Variants in PDE4D observed in about 807,000 individuals in gnomAD.
PDE4D encodes the protein 3',5'-cyclic-AMP phosphodiesterase 4D.
In PDE4D, 24 loss-of-function variants were observed where a neutral mutation model predicts 87.4. That is an observed-to-expected ratio of 0.27 (90% CI 0.20 to 0.39). The LOEUF is 0.39. PDE4D is among the 10% of genes least tolerant of loss of function. The pLI, the probability that PDE4D is intolerant of heterozygous loss-of-function variation, is 1.00. For synonymous variants in PDE4D, 384 were observed against 383.2 expected, an observed-to-expected ratio of 1.00 and a Z score of -0.02; for missense variants, 714 against 1,041.0, an observed-to-expected ratio of 0.69 and a Z score of 4.32.
intron 6 of PDE4D, among the ~76,000 whole-genome samples, chr5:59,013,355 T>C (rs1425781505): frequency 6.6e-6 from 1 of 151,904 alleles, no homozygotes; most frequent in African/African-American, 2.4e-5. Flanking sequence ...AATCAATGAG[T>C]CCAGGAGCTG....
At chr5:60,430,565 G>A (rs1367076506) in intron 1 of PDE4D, among the ~76,000 whole-genome samples, 1 of 127,882 alleles carries the variant, frequency 7.8e-6, no homozygotes, top group African/African-American at 3.5e-5. Flanking sequence ...TTTTTTTATT[G>A]ATCATTCTTG....
At chr5:60,030,126 C>A (rs1215829436) in intron 2 of PDE4D, among the ~76,000 whole-genome samples, 1 of 152,204 alleles carries the variant, frequency 6.6e-6, no homozygotes, top group African/African-American at 2.4e-5. Flanking sequence ...ACAGACTTAA[C>A]CCCAATGTCC....
At chr5:59,771,655 G>C (rs1000466310) in intron 1 of PDE4D, among the ~76,000 whole-genome samples, 1 of 152,182 alleles carries the variant, frequency 6.6e-6, no homozygotes, top group African/African-American at 2.4e-5. Context: ...CTTACAAAGA[G>C]TAAACTATTT....
intron 1 of PDE4D, among the ~76,000 whole-genome samples, chr5:59,228,292 A>T (rs1234520751): frequency 6.6e-6 from 1 of 152,104 alleles, no homozygotes; most frequent in Non-Finnish European, 1.5e-5. Context: ...TCAGAAAAAA[A>T]ATACTAACTG....
intron 1 of PDE4D, among the ~76,000 whole-genome samples, chr5:59,819,843 A>C (rs1449432694): frequency 6.6e-6 from 1 of 152,246 alleles, no homozygotes; most frequent in Non-Finnish European, 1.5e-5. Flanking sequence ...AAGCGTGTGC[A>C]AATTAGAACT....
At chr5:59,852,284 G>A (rs371971287) in intron 1 of PDE4D, among the ~76,000 whole-genome samples, 12 of 152,142 alleles carry the variant, frequency 7.9e-5, no homozygotes, top group Middle Eastern at 3.4e-3. Context: ...CTCACATTGC[G>A]TAGGGCTGAC....
intron 1 of PDE4D, chr5:59,529,148 T>C: frequency 1.2e-5 from 6 of 483,106 alleles, no homozygotes; most frequent in South Asian, 9.6e-5. Context: ...CTGTGTGGAA[T>C]TGGGCCCCTC....
chr5:59,542,162 T>C (rs544382399), intron 1 of PDE4D, among the ~76,000 whole-genome samples: 1 of 152,288 alleles, frequency 6.6e-6, no homozygotes, highest in South Asian at 2.1e-4. Flanking sequence ...TCTAGTATCC[T>C]AGTGCTATTT....
At chr5:59,349,224 C>T (rs1780115696) in intron 1 of PDE4D, among the ~76,000 whole-genome samples, 1 of 152,094 alleles carries the variant, frequency 6.6e-6, no homozygotes, top group Non-Finnish European at 1.5e-5. Flanking sequence ...AGACACCTCT[C>T]TTCAGACCCT....
At chr5:59,203,588 A>T (rs1207750581) in intron 2 of PDE4D, among the ~76,000 whole-genome samples, 1 of 151,992 alleles carries the variant, frequency 6.6e-6, no homozygotes, top group African/African-American at 2.4e-5. Flanking sequence ...AATCAACTTA[A>T]GTGTCTAACA....
chr5:59,586,951 C>T, intron 1 of PDE4D: 1 of 985,380 alleles, frequency 1.0e-6, no homozygotes, highest in Non-Finnish European at 1.2e-6. Flanking sequence ...CGGACAAAGG[C>T]CTGGGCAGAG....
intron 2 of PDE4D, among the ~76,000 whole-genome samples, chr5:60,070,699 T>A (rs946670166): frequency 1.3e-5 from 2 of 152,046 alleles, no homozygotes; most frequent in Non-Finnish European, 2.9e-5. Flanking sequence ...GAGTAATGAA[T>A]TTGGACATGT....
In PDE4D at chr5:60,356,887, G is replaced by A. The variant is rs952426653; in HGVS notation, c.-90+131055C>T. 2.0e-5 allele frequency among the ~76,000 whole-genome samples: 3 copies of A among 152,282 alleles called. No homozygotes were observed. In the South Asian group the frequency reaches 6.2e-4, roughly 32 times the overall value. On this transcript the variant is annotated intron_variant, in intron 1 of 16. Transcript: ENST00000502484. Reference sequence around the variant, plus strand: ...TAGTGCATCATGTCTGGCTGTGCTGGCAGGGCCTCTGTAGCTCTATTACTG... The same window carrying A: ...TAGTGCATCATGTCTGGCTGTGCTGACAGGGCCTCTGTAGCTCTATTACTG...
intron 3 of PDE4D, among the ~76,000 whole-genome samples, chr5:59,914,053 T>G (rs983819354): frequency 2.5e-4 from 37 of 147,420 alleles, no homozygotes; most frequent in African/African-American, 9.3e-4. Context: ...ACAGAAATTC[T>G]AAGTTGAAAT....
At position 59,454,749 on chromosome 5, in the gene PDE4D, T is replaced by C. The variant is rs112032730; in HGVS notation, c.456-238781A>G. ...AAGTTTGAAACTTCCTAGAGACATG[T>C]TGAGTGGCTTTGACAAAAATGCTGA... is the stretch of plus-strand genomic sequence containing the variant. On this transcript the variant is annotated intron_variant, in intron 1 of 14. Coordinates refer to ENST00000340635, the MANE Select transcript of PDE4D (RefSeq NM_001104631.2). Among the ~76,000 whole-genome samples the C allele has an allele frequency of 6.6e-5, 10 of 152,290 alleles. 2 individuals are homozygous for C. The highest frequency in any genetic ancestry group is 2.4e-4 in the African/African-American group (10 of 41,562).
At chr5:59,896,040 C>T (rs557307165), upstream of PDE4D, among the ~76,000 whole-genome samples, 2 of 151,964 alleles carry the variant, frequency 1.3e-5, no homozygotes, top group Non-Finnish European at 2.9e-5. Flanking sequence ...CTTATAATTC[C>T]AAAATGTTAT....
chr5:59,881,001 A>G (rs949237893), intron 1 of PDE4D, among the ~76,000 whole-genome samples: 2 of 152,238 alleles, frequency 1.3e-5, no homozygotes, highest in African/African-American at 4.8e-5. Context: ...AAAATAATAC[A>G]TAAAGTTAAA....
chr5:59,746,127 C>T lies in PDE4D; in HGVS notation c.455+147041G>A, dbSNP rs73758878. 7.8e-3 allele frequency among the ~76,000 whole-genome samples: 1,182 copies of T among 152,136 alleles called. 8 individuals are homozygous for T. The highest frequency in any genetic ancestry group is 0.027 in the African/African-American group (1,140 of 41,516). On this transcript the variant is annotated intron_variant, in intron 1 of 14. Coordinates refer to ENST00000340635, the MANE Select transcript of PDE4D (RefSeq NM_001104631.2). The stretch of plus-strand genomic sequence containing the variant: ...AAAATATTTTTCAGTTCTTCAATAT[C>T]TAGGCTGAACATCATATTCAAGAAC...
chr5:59,874,239 G>C (rs1330223314), intron 1 of PDE4D, among the ~76,000 whole-genome samples: 1 of 152,150 alleles, frequency 6.6e-6, no homozygotes, highest in Admixed American at 6.5e-5. Flanking sequence ...GGTGAGTCCA[G>C]TGAGATGTTA....
Sources: allele counts gnomAD v4.1 joint callset (sites outside exome capture counted in the v4.1 genomes callset), GRCh38; gene constraint gnomAD v4.1.1; transcripts MANE v1.5; gene names NCBI Gene and HGNC (gene_info 2026-07-23, HGNC 2026-07-21).